The following MCMDC2 variants were observed in gnomAD, a reference collection of about 807,000 sequenced individuals.
MCMDC2 encodes minichromosome maintenance domain-containing protein 2.
A neutral mutation model predicts 75.8 loss-of-function variants in MCMDC2; 54 were observed. That is an observed-to-expected ratio of 0.71 (90% confidence interval 0.57 to 0.89). The LOEUF is 0.89. Among genes scored for constraint, MCMDC2 ranks in the 40% least tolerant of loss-of-function variants. The pLI, the probability that MCMDC2 is intolerant of heterozygous loss-of-function variation, is 0.00. For synonymous variants in MCMDC2, 249 were observed against 274.6 expected (o/e 0.91, Z 0.92); for missense variants, 656 against 780.4 (o/e 0.84, Z 1.90).
intron 13 of MCMDC2, among the ~76,000 whole-genome samples, chr8:66,902,711 AATAT>A (rs1231949044): frequency 0.01 from 685 of 67,860 alleles, 11 homozygotes; most frequent in East Asian, 0.022. Context: ...AAAAAAAAAA[AATAT>A]ATATATATAT....
chr8:66,885,203 C>T (rs186698177), intron 9 of MCMDC2, among the ~76,000 whole-genome samples: 3 of 151,696 alleles, frequency 2.0e-5, no homozygotes, highest in East Asian at 2.0e-4. Flanking sequence ...TGTGGTGGCA[C>T]GCGCCTGTAG....
At chr8:66,873,134 A>C (rs1471033281) in intron 1 of MCMDC2, among the ~76,000 whole-genome samples, 1 of 152,132 alleles carries the variant, frequency 6.6e-6, no homozygotes, top group African/African-American at 2.4e-5. Flanking sequence ...CTACTGACAT[A>C]TATTGTTTCC....
rs1371691487 is a variant in MCMDC2, at chr8:66,878,920, G to T, written c.709+1G>T. The T allele has an allele frequency of 1.3e-6, 2 of 1,572,668 alleles. No individual in the cohort carries two copies. The highest frequency in any genetic ancestry group is 2.2e-5 in the South Asian group (2 of 89,124). On this transcript the variant is annotated splice_donor_variant, in intron 7 of 14. Transcript: ENST00000422365. LOFTEE classifies it high-confidence loss of function. The stretch of plus-strand genomic sequence containing the variant: ...CAATCACTTACAATTTTCCTAAGAG[G>T]TAAGTGAATTCTGTTTGAACTAAAA...
chr8:66,922,279 C>T (rs529858008), downstream of MCMDC2: 5 of 269,242 alleles, frequency 1.9e-5, no homozygotes, highest in Non-Finnish European at 3.0e-5. Context: ...TTATCAGATA[C>T]TTTCTGAACT....
intron 4 of MCMDC2, among the ~76,000 whole-genome samples, chr8:66,876,918 AC>A (rs775604577): frequency 6.6e-6 from 1 of 151,224 alleles, no homozygotes; most frequent in Non-Finnish European, 1.5e-5. Flanking sequence ...CTGCCATCAC[AC>A]CCGGCTAATT....
chr8:66,874,333 A>T lies in MCMDC2; in HGVS notation c.102A>T (p.Lys34Asn), dbSNP rs1338012911. 2 of 1,609,904 alleles carry T rather than the reference A, an allele frequency of 1.2e-6. No homozygotes were observed. Among genetic ancestry groups the T allele is most frequent in the South Asian group, 2.2e-5 (2 of 89,582 alleles). ...IDDCKYYNDS[K>N]QSYAVYRFKI... The stretch of plus-strand genomic sequence containing the variant: ...ATTTGTATATTTTCATAGATTCAAA[A>T]CAAAGCTATGCTGTCTATCGATTCA... The change falls in exon 3 of 15, where the codon AAA (lysine) becomes AAT (asparagine). Residue 34 changes from lysine (K) to asparagine (N), a missense_variant. Transcript: ENST00000422365.
intron 10 of MCMDC2, among the ~76,000 whole-genome samples, chr8:66,892,463 G>A (rs987980347): frequency 2.0e-5 from 3 of 152,254 alleles, no homozygotes; most frequent in African/African-American, 4.8e-5. Flanking sequence ...GGGTGAGCAA[G>A]GTGGAGAAGA....
At chr8:66,890,309 G>A (rs1300791501) in intron 9 of MCMDC2, among the ~76,000 whole-genome samples, 1 of 151,892 alleles carries the variant, frequency 6.6e-6, no homozygotes, top group African/African-American at 2.4e-5. Context: ...CAAGTGATCT[G>A]CCTGCCTCGG....
intron 9 of MCMDC2, among the ~76,000 whole-genome samples, 173 bp from the exon 10 acceptor site, chr8:66,890,692 C>A (rs1211128050): frequency 6.6e-6 from 1 of 151,974 alleles, no homozygotes; most frequent in African/African-American, 2.4e-5. Context: ...GGCTAATTTT[C>A]GTATTTTCAG....
At chr8:66,874,915 T>C (rs1449778361) in intron 4 of MCMDC2, among the ~76,000 whole-genome samples, 1 of 151,308 alleles carries the variant, frequency 6.6e-6, no homozygotes, top group Admixed American at 6.6e-5. Context: ...ACCACCACGC[T>C]CAGCTAATTT....
At chr8:66,890,171 G>A (rs1299329994) in intron 9 of MCMDC2, among the ~76,000 whole-genome samples, 1 of 152,128 alleles carries the variant, frequency 6.6e-6, no homozygotes, top group Non-Finnish European at 1.5e-5. Context: ...GGTTGAGGCA[G>A]TTCTCCTGCC....
chr8:66,899,217 C>T (rs547933103), intron 12 of MCMDC2, among the ~76,000 whole-genome samples: 3 of 152,246 alleles, frequency 2.0e-5, no homozygotes, highest in Admixed American at 6.5e-5. Context: ...ATAATGTCCT[C>T]CCCGACTTCT....
intron 9 of MCMDC2, among the ~76,000 whole-genome samples, chr8:66,887,198 A>G (rs1273602134): frequency 6.6e-6 from 1 of 152,058 alleles, no homozygotes; most frequent in Non-Finnish European, 1.5e-5. Context: ...GATGAAATTC[A>G]ATTTATTATT....
rs1235484377 is a variant in MCMDC2 at position 66,905,422 on chromosome 8, A to G, written c.1879+87A>G. On this transcript the variant is annotated intron_variant, in intron 14 of 14. Transcript: ENST00000422365. ...AGTTGGTTAAATTAAAATGTTACAT[A>G]TATTTTTAAAATATTATTTTAAAGA... 4.6e-6 allele frequency: 5 copies of G among 1,093,820 alleles called. No homozygotes were observed. In the African/African-American group the frequency reaches 4.9e-5, roughly 11 times the overall value. 67.8% of individuals were successfully genotyped at this position (1,093,820 alleles called of 1,614,324 possible).
chr8:66,897,816 G>C (rs1812431564), intron 12 of MCMDC2, among the ~76,000 whole-genome samples: 2 of 152,110 alleles, frequency 1.3e-5, no homozygotes, highest in South Asian at 4.1e-4. Flanking sequence ...AGCTATTAAA[G>C]GTACTCACAT....
In MCMDC2 at chr8:66,878,584, T is replaced by C. The variant is rs1427007741; in HGVS notation, c.492T>C (p.Tyr164=). 1.3e-6 allele frequency: 2 copies of C among 1,579,286 alleles called. No individual in the cohort carries two copies. The highest frequency in any genetic ancestry group is 1.7e-6 in the Non-Finnish European group (2 of 1,167,198). The change falls in exon 6 of 15, where the codon TAT becomes TAC. Residue 164 remains tyrosine, a synonymous_variant. Coordinates refer to ENST00000422365, the MANE Select transcript of MCMDC2 (RefSeq NM_173518.5). ...ACTGTTTTCTTTCAGGATTTCAGTA[T>C]ATAAGAGTGCATGTGCCTGGTGCTA... ...EACPLSKGFQ[Y]IRVHVPGATE...
intron 4 of MCMDC2, among the ~76,000 whole-genome samples, chr8:66,876,775 A>G (rs1054483536): frequency 1.4e-5 from 2 of 143,822 alleles, no homozygotes; most frequent in Admixed American, 1.4e-4. Context: ...TCACTCTGTC[A>G]CCCAGGCTGG....
intron 9 of MCMDC2, among the ~76,000 whole-genome samples, chr8:66,888,655 T>G (rs1220359275): frequency 1.3e-5 from 2 of 152,240 alleles, no homozygotes; most frequent in African/African-American, 4.8e-5. Flanking sequence ...CTTAATTTCA[T>G]TTTCAATTGT....
At position 66,919,630 on chromosome 8, in the gene MCMDC2, A is replaced by ACTT. The variant is rs1227418467; in HGVS notation, c.*462_*464dup. On this transcript the variant is annotated 3_prime_UTR_variant, in exon 15 of 15. Transcript: ENST00000422365. ...GAACTTGCTAAACTGATGAGTAAATACTTTATATAACCCGAAGCTTCAAAT... is the reference window on the plus strand; with the variant it reads ...GAACTTGCTAAACTGATGAGTAAATACTTCTTTATATAACCCGAAGCTTCAAAT... 1 of 152,412 alleles carries ACTT rather than the reference A, an allele frequency of 6.6e-6. No individual in the cohort carries two copies. Among genetic ancestry groups the ACTT allele is most frequent in the Non-Finnish European group, 1.5e-5 (1 of 68,196 alleles). The allele number at this position is 152,412 out of a possible 1,614,324, so 9.4% of individuals were successfully genotyped here.
Sources: gnomAD v4.1 joint callset for allele counts (sites outside exome capture counted in the v4.1 genomes callset) on GRCh38, gnomAD v4.1.1 for gene constraint, MANE v1.5 for transcripts, NCBI Gene and HGNC (gene_info 2026-07-23, HGNC 2026-07-21) for gene names.